TAX1BP1: variants seen among roughly 807,000 people sequenced by gnomAD.
TAX1BP1 encodes the protein tax1-binding protein 1.
TAX1BP1 carries 62 observed loss-of-function variants against 97.7 expected under a neutral mutation model. The observed-to-expected ratio is 0.63, with a 90% confidence interval of 0.52 to 0.78. TAX1BP1 has a LOEUF of 0.78. TAX1BP1 is among the 30% of genes least tolerant of loss of function. TAX1BP1 has a pLI of 0.00. For missense variants in TAX1BP1, 867 were observed against 916.1 expected, an observed-to-expected ratio of 0.95 and a Z score of 0.69; for synonymous variants, 340 against 304.2, an observed-to-expected ratio of 1.12 and a Z score of -1.23.
intron 15 of TAX1BP1, among the ~76,000 whole-genome samples, chr7:27,826,821 T>C (rs1234924816): frequency 6.6e-6 from 1 of 152,246 alleles, no homozygotes; most frequent in Non-Finnish European, 1.5e-5. Flanking sequence ...TGTTCCTCTA[T>C]AGCAGAGTTT....
chr7:27,742,061 C>CA (rs1787632933), intron 1 of TAX1BP1, among the ~76,000 whole-genome samples: 1 of 152,240 alleles, frequency 6.6e-6, no homozygotes, highest in African/African-American at 2.4e-5. Context: ...TTCCCTATCT[C>CA]AGTAGATGGA....
intron 3 of TAX1BP1, among the ~76,000 whole-genome samples, chr7:27,760,395 A>T (rs948884510): frequency 7.0e-6 from 1 of 143,516 alleles, no homozygotes; most frequent in South Asian, 2.2e-4. Flanking sequence ...TTATTTTAGA[A>T]TTTTTTTTTT....
intron 5 of TAX1BP1, among the ~76,000 whole-genome samples, chr7:27,781,819 G>C (rs1789269744): frequency 6.6e-6 from 1 of 151,792 alleles, no homozygotes; most frequent in African/African-American, 2.4e-5. Context: ...CCTGGGTTCA[G>C]GTGATTCTTG....
intron 11 of TAX1BP1, among the ~76,000 whole-genome samples, chr7:27,795,194 C>T (rs1789872690): frequency 6.6e-6 from 1 of 151,964 alleles, no homozygotes; most frequent in South Asian, 2.1e-4. Context: ...TAGGTTTATC[C>T]CCTGTAGGAC....
At chr7:27,786,977 C>T (rs895581830) in intron 7 of TAX1BP1, among the ~76,000 whole-genome samples, 2 of 152,168 alleles carry the variant, frequency 1.3e-5, no homozygotes, top group Non-Finnish European at 2.9e-5. Context: ...TAAATGATAT[C>T]GTACTTTTCG....
intron 2 of TAX1BP1, among the ~76,000 whole-genome samples, chr7:27,755,784 G>A (rs1294794552): frequency 6.6e-6 from 1 of 152,014 alleles, no homozygotes; most frequent in South Asian, 2.1e-4. Flanking sequence ...AGCCTCCAGT[G>A]GTATCTGTGA....
At chr7:27,750,763 A>G (rs1040289027) in intron 2 of TAX1BP1, among the ~76,000 whole-genome samples, 1 of 152,202 alleles carries the variant, frequency 6.6e-6, no homozygotes, top group African/African-American at 2.4e-5. Flanking sequence ...TAAAGCCAAA[A>G]GACTGTGACT....
chr7:27,822,217 AG>A (rs1473592211), intron 15 of TAX1BP1, among the ~76,000 whole-genome samples: 1 of 152,192 alleles, frequency 6.6e-6, no homozygotes, highest in Non-Finnish European at 1.5e-5. Flanking sequence ...ATTTTGGATA[AG>A]GGGGACTCAA....
At chr7:27,799,900 A>G (rs1308251679) in intron 12 of TAX1BP1, 65 bp from the exon 13 acceptor site, 2 of 1,349,352 alleles carry the variant, frequency 1.5e-6, no homozygotes, top group Non-Finnish European at 2.0e-6. Context: ...ATCTAAGTAC[A>G]TTAGTATAGA....
intron 8 of TAX1BP1, among the ~76,000 whole-genome samples, chr7:27,788,345 A>G (rs936571360): frequency 1.3e-5 from 2 of 152,144 alleles, no homozygotes; most frequent in Admixed American, 1.3e-4. Flanking sequence ...GTCTCTATAT[A>G]GGTGCCTTTC....
chr7:27,794,065 A>C (rs911910372), intron 10 of TAX1BP1, among the ~76,000 whole-genome samples: 5 of 152,066 alleles, frequency 3.3e-5, no homozygotes, highest in African/African-American at 1.2e-4. Context: ...ATTTCTGTGA[A>C]TGACTTATTT....
At chr7:27,758,298 A>G in intron 3 of TAX1BP1, 165 bp downstream of exon 3, 1 of 433,708 alleles carries the variant, frequency 2.3e-6, no homozygotes, top group Non-Finnish European at 4.1e-6. Flanking sequence ...TGTCTGGTGT[A>G]GGCCACATGA....
chr7:27,753,481 T>G lies in TAX1BP1; in HGVS notation c.163-4550T>G, dbSNP rs115114498. Among the ~76,000 whole-genome samples the G allele has an allele frequency of 6.1e-3, 934 of 152,302 alleles. 7 individuals are homozygous for G. The highest frequency in any genetic ancestry group is 0.018 in the African/African-American group (751 of 41,562). On this transcript the variant is annotated intron_variant, in intron 2 of 16. Coordinates refer to ENST00000396319, the MANE Select transcript of TAX1BP1 (RefSeq NM_006024.7). ...ATGAGGAATTGGTGTATGTTTAGATTTATGCTTAGTACAAATTAAATTACC... is the reference window on the plus strand; with the variant it reads ...ATGAGGAATTGGTGTATGTTTAGATGTATGCTTAGTACAAATTAAATTACC...
At chr7:27,799,413 G>C (rs1442557458) in intron 12 of TAX1BP1, among the ~76,000 whole-genome samples, 1 of 152,002 alleles carries the variant, frequency 6.6e-6, no homozygotes, top group Non-Finnish European at 1.5e-5. Context: ...AAATTATCTT[G>C]GTCAGCAAAT....
intron 9 of TAX1BP1, 116 bp downstream of exon 9, chr7:27,792,346 A>C: frequency 1.0e-6 from 1 of 972,174 alleles, no homozygotes; most frequent in Non-Finnish European, 1.5e-6. Flanking sequence ...TTTAAATTTA[A>C]AATTTTCATT....
chr7:27,765,954 T>C lies in TAX1BP1; in HGVS notation c.386T>C (p.Leu129Pro). 1 of 1,614,222 alleles carries C rather than the reference T, an allele frequency of 6.2e-7. No individual in the cohort carries two copies. The highest frequency in any genetic ancestry group is 8.5e-7 in the Non-Finnish European group (1 of 1,180,042). The change falls in exon 4 of 17, where the codon CTG becomes CCG. Residue 129 changes from leucine to proline, a missense_variant. Coordinates refer to ENST00000396319, the MANE Select transcript of TAX1BP1 (RefSeq NM_006024.7). ...QFRASSPVEE[L>P]LTMEDEGNSD... ...CGAGCTTCTTCTCCAGTTGAAGAGC[T>C]GCTTACTATGGAAGATGAAGGAAAT...
chr7:27,755,609 C>T (rs895760535), intron 2 of TAX1BP1, among the ~76,000 whole-genome samples: 1 of 152,168 alleles, frequency 6.6e-6, no homozygotes, highest in Non-Finnish European at 1.5e-5. Flanking sequence ...TTAAAAGGAA[C>T]ACTTTGTGGC....
chr7:27,798,832 CTT>C (rs1236648156), intron 12 of TAX1BP1, among the ~76,000 whole-genome samples: 1 of 149,246 alleles, frequency 6.7e-6, no homozygotes, highest in African/African-American at 2.5e-5. Flanking sequence ...CTCTTTATCT[CTT>C]TGTGTGAGTG....
At chr7:27,742,344 G>A (rs1418061783) in intron 1 of TAX1BP1, among the ~76,000 whole-genome samples, 1 of 152,118 alleles carries the variant, frequency 6.6e-6, no homozygotes, top group African/African-American at 2.4e-5. Flanking sequence ...TTGTGTCCCT[G>A]GGTACTTGAG....
Sources: gnomAD v4.1 joint callset for allele counts (sites outside exome capture counted in the v4.1 genomes callset) on GRCh38, gnomAD v4.1.1 for gene constraint, MANE v1.5 for transcripts, NCBI Gene and HGNC (gene_info 2026-07-23, HGNC 2026-07-21) for gene names.